Variants in CALN1 observed in about 807,000 individuals in gnomAD.
The protein encoded by CALN1 is calcium-binding protein 8.
In CALN1, 17 loss-of-function variants were observed where a neutral mutation model predicts 30.6. That is an observed-to-expected ratio of 0.56 (90% CI 0.38 to 0.83). The LOEUF is 0.83. CALN1 is among the 40% of genes least tolerant of loss of function. The pLI, the probability that CALN1 is intolerant of heterozygous loss-of-function variation, is 0.00. For synonymous variants in CALN1, 156 were observed against 131.4 expected (o/e 1.19, Z -1.28); for missense variants, 291 against 354.9 (o/e 0.82, Z 1.45).
intron 5 of CALN1, among the ~76,000 whole-genome samples, chr7:71,987,376 G>C (rs950485666): frequency 6.6e-6 from 1 of 152,200 alleles, no homozygotes; most frequent in African/African-American, 2.4e-5. Flanking sequence ...GAGGACACAG[G>C]AGCAGGGCCC....
intron 3 of CALN1, among the ~76,000 whole-genome samples, chr7:72,141,972 T>G (rs1174661406): frequency 6.6e-6 from 1 of 152,102 alleles, no homozygotes; most frequent in Non-Finnish European, 1.5e-5. Context: ...CATTTCAGGT[T>G]GAAATATGAT....
intron 5 of CALN1, among the ~76,000 whole-genome samples, chr7:71,881,384 G>A (rs147082636): frequency 2.0e-5 from 3 of 152,132 alleles, no homozygotes; most frequent in East Asian, 3.9e-4. Context: ...AGTTCTGTCC[G>A]TCTAGAAAAC....
intron 1 of CALN1, among the ~76,000 whole-genome samples, chr7:72,433,014 T>C (rs534948322): frequency 6.6e-6 from 1 of 152,332 alleles, no homozygotes; most frequent in African/African-American, 2.4e-5. Context: ...TTACTCTTTC[T>C]ACACACCCTA....
intron 3 of CALN1, among the ~76,000 whole-genome samples, chr7:72,247,810 A>G (rs1286871638): frequency 6.6e-6 from 1 of 152,134 alleles, no homozygotes; most frequent in Non-Finnish European, 1.5e-5. Context: ...CCTGGGCAAT[A>G]CAGCAAGACC....
chr7:72,394,568 A>G (rs1373885437), intron 2 of CALN1, among the ~76,000 whole-genome samples: 2 of 152,192 alleles, frequency 1.3e-5, no homozygotes, highest in Non-Finnish European at 2.9e-5. Flanking sequence ...GTTGCATAGC[A>G]ATGTGATCAC....
intron 2 of CALN1, among the ~76,000 whole-genome samples, chr7:72,351,261 G>A (rs148133200): frequency 0.013 from 1,944 of 152,220 alleles, 58 homozygotes; most frequent in African/African-American, 0.044. Context: ...CTAGCCCTTT[G>A]GGAGGCTGAG....
chr7:72,013,976 CAAAT>C (rs1800235504), intron 5 of CALN1, among the ~76,000 whole-genome samples: 1 of 151,744 alleles, frequency 6.6e-6, no homozygotes, highest in Admixed American at 6.6e-5. Flanking sequence ...CAAGTGTCAC[CAAAT>C]AGTTTTCTGA....
intron 4 of CALN1, among the ~76,000 whole-genome samples, chr7:72,030,368 G>A (rs1801358262): frequency 6.6e-6 from 1 of 152,158 alleles, no homozygotes; most frequent in South Asian, 2.1e-4. Flanking sequence ...ATTTTCTGCA[G>A]ACCTTCAGTA....
intron 2 of CALN1, among the ~76,000 whole-genome samples, chr7:72,379,244 C>A (rs1804748100): frequency 6.6e-6 from 1 of 152,186 alleles, no homozygotes; most frequent in Non-Finnish European, 1.5e-5. Flanking sequence ...ATCCTCCCAC[C>A]ACACCCTCCC....
intron 2 of CALN1, among the ~76,000 whole-genome samples, chr7:72,368,572 T>C (rs1166088253): frequency 6.6e-6 from 1 of 151,474 alleles, no homozygotes; most frequent in Non-Finnish European, 1.5e-5. Flanking sequence ...ATAAGAAAAA[T>C]CATCAAAAAT....
intron 2 of CALN1, among the ~76,000 whole-genome samples, chr7:72,357,877 T>C (rs75603949): frequency 1.3e-5 from 2 of 149,336 alleles, no homozygotes; most frequent in Non-Finnish European, 3.0e-5. Context: ...TGTTTTTTTT[T>C]AGATGGAGTC....
At chr7:72,342,760 A>G (rs188049379) in intron 2 of CALN1, among the ~76,000 whole-genome samples, 5 of 152,230 alleles carry the variant, frequency 3.3e-5, no homozygotes, top group African/African-American at 9.6e-5. Context: ...TTATTTTACC[A>G]TCAGTAAATA....
At chr7:72,274,962 C>T (rs901365610) in intron 3 of CALN1, among the ~76,000 whole-genome samples, 2 of 152,094 alleles carry the variant, frequency 1.3e-5, no homozygotes, top group African/African-American at 4.8e-5. Context: ...AAATGACCTG[C>T]GTGGCAAGTG....
chr7:72,396,235 T>TAAAAAAAAAAAAAAAAAAAA (rs55683543), intron 2 of CALN1, among the ~76,000 whole-genome samples: 41 of 53,302 alleles, frequency 7.7e-4, no homozygotes, highest in Non-Finnish European at 8.9e-4. Context: ...TTGTCTCTAC[T>TAAAAAAAAAAAAAAAAAAAA]AAAAAAAAAA....
chr7:72,275,830 T>A (rs571944838), intron 3 of CALN1, among the ~76,000 whole-genome samples: 2 of 152,338 alleles, frequency 1.3e-5, no homozygotes, highest in South Asian at 2.1e-4. Context: ...CTTTTCTGTT[T>A]GTCCAGGAAA....
At chr7:71,886,820 A>G (rs1259461906) in intron 5 of CALN1, among the ~76,000 whole-genome samples, 2 of 151,916 alleles carry the variant, frequency 1.3e-5, no homozygotes, top group African/African-American at 2.4e-5. Flanking sequence ...GTTATGGGGT[A>G]GCATTCTGCA....
At chr7:72,312,850 T>TG (rs71069056) in intron 2 of CALN1, among the ~76,000 whole-genome samples, 172 of 151,920 alleles carry the variant, frequency 1.1e-3, no homozygotes, top group African/African-American at 3.8e-3. Context: ...TTTTTTTTTT[T>TG]GAGATACACA....
chr7:71,846,673 G>A (rs540572864), intron 5 of CALN1, among the ~76,000 whole-genome samples: 1 of 150,388 alleles, frequency 6.6e-6, no homozygotes, highest in African/African-American at 2.4e-5. Context: ...ATTCTGTGGG[G>A]TTTTATTTAT....
upstream of CALN1, among the ~76,000 whole-genome samples, chr7:72,449,313 G>A (rs1367505130): frequency 6.6e-6 from 1 of 152,170 alleles, no homozygotes; most frequent in African/African-American, 2.4e-5. Flanking sequence ...GAGAAAATCT[G>A]AGCAGGATCA....
Sources: allele counts gnomAD v4.1 joint callset (sites outside exome capture counted in the v4.1 genomes callset), GRCh38; gene constraint gnomAD v4.1.1; transcripts MANE v1.5; gene names NCBI Gene and HGNC (gene_info 2026-07-23, HGNC 2026-07-21).